The following TNIK variants were observed in gnomAD, a reference collection of about 807,000 sequenced individuals.
TNIK encodes the protein TRAF2 and NCK-interacting protein kinase.
TNIK carries 49 observed loss-of-function variants against 191.3 expected under a neutral mutation model. The observed-to-expected ratio is 0.26, with a 90% CI of 0.20 to 0.32. The LOEUF is 0.32. Ranked by LOEUF, TNIK falls within the 10% of genes least tolerant of loss-of-function variation. TNIK has a pLI of 1.00. For synonymous variants in TNIK, 594 were observed against 600.9 expected (o/e 0.99, Z 0.17); for missense variants, 1,155 against 1,702.3 (o/e 0.68, Z 5.66).
chr3:171,252,574 T>G (rs925505613), intron 2 of TNIK, among the ~76,000 whole-genome samples: 17 of 152,306 alleles, frequency 1.1e-4, no homozygotes, highest in Non-Finnish European at 2.4e-4. Flanking sequence ...CTCTGCATTG[T>G]TCTCCCAGCT....
chr3:171,320,940 C>A (rs183881346), intron 2 of TNIK, among the ~76,000 whole-genome samples: 2 of 152,280 alleles, frequency 1.3e-5, no homozygotes, highest in Non-Finnish European at 2.9e-5. Flanking sequence ...AACAATGTTA[C>A]CCTGCCAATC....
Position 171,059,429 on chromosome 3 carries a change from C to T in TNIK, c.*4452G>A, listed in dbSNP as rs997463068. Among the ~76,000 whole-genome samples, 1 of 152,124 alleles carries T rather than the reference C, an allele frequency of 6.6e-6. No individual in the cohort carries two copies. Among genetic ancestry groups the T allele is most frequent in the African/African-American group, 2.4e-5 (1 of 41,422 alleles). ...CAAAGCACAGGGTTATGATCTCACA[C>T]TGTTTAATGCTAAGCAAACTGTTGA... On this transcript the variant is annotated 3_prime_UTR_variant, in exon 33 of 33. Transcript: ENST00000436636.
intron 1 of TNIK, among the ~76,000 whole-genome samples, chr3:171,426,818 A>G (rs1474983209): frequency 6.6e-6 from 1 of 152,134 alleles, no homozygotes; most frequent in African/African-American, 2.4e-5. Flanking sequence ...TGACAGAGGA[A>G]AGGAGAGGTT....
At chr3:171,147,855 C>T (rs1400103214) in intron 12 of TNIK, among the ~76,000 whole-genome samples, 1 of 152,116 alleles carries the variant, frequency 6.6e-6, no homozygotes, top group Admixed American at 6.5e-5. Flanking sequence ...CTGACTCTTG[C>T]CATGCTGCCT....
chr3:171,129,734 T>C (rs1334254017), intron 15 of TNIK, among the ~76,000 whole-genome samples: 1 of 152,204 alleles, frequency 6.6e-6, no homozygotes. Context: ...TCACGGGAAA[T>C]GCTGAGCCAG....
intron 2 of TNIK, among the ~76,000 whole-genome samples, chr3:171,344,680 C>G (rs900403501): frequency 6.6e-6 from 1 of 152,174 alleles, no homozygotes; most frequent in South Asian, 2.1e-4. Context: ...GTTTAACCCA[C>G]TAAGTGTACT....
intron 1 of TNIK, among the ~76,000 whole-genome samples, chr3:171,392,987 G>C (rs1719765127): frequency 6.6e-6 from 1 of 151,764 alleles, no homozygotes; most frequent in African/African-American, 2.4e-5. Context: ...AAAAAAAAAT[G>C]AGCCTTCTCC....
At chr3:171,090,553 C>T (rs1721935215) in intron 23 of TNIK, among the ~76,000 whole-genome samples, 1 of 151,630 alleles carries the variant, frequency 6.6e-6, no homozygotes, top group African/African-American at 2.4e-5. Context: ...TGAAAAGATA[C>T]CAGGAAGGTG....
intron 2 of TNIK, among the ~76,000 whole-genome samples, chr3:171,326,276 T>A (rs1039569597): frequency 6.6e-6 from 1 of 152,202 alleles, no homozygotes; most frequent in Admixed American, 6.5e-5. Context: ...CTTTATTATG[T>A]AGTATATACA....
intron 12 of TNIK, among the ~76,000 whole-genome samples, chr3:171,146,115 A>G (rs1327094998): frequency 6.6e-6 from 1 of 152,068 alleles, no homozygotes; most frequent in Non-Finnish European, 1.5e-5. Flanking sequence ...CTCTTTTCTC[A>G]TGTGTCAGGC....
At chr3:171,081,111 G>T (rs1260039271) in intron 27 of TNIK, among the ~76,000 whole-genome samples, 3 of 152,124 alleles carry the variant, frequency 2.0e-5, no homozygotes, top group Non-Finnish European at 4.4e-5. Flanking sequence ...TTTTCATTTT[G>T]ATTTGGTAGT....
In TNIK at chr3:171,219,591, A is replaced by T. The variant is rs1477279942; in HGVS notation, c.181-8350T>A. On this transcript the variant is annotated intron_variant, in intron 3 of 32. Coordinates refer to ENST00000436636, the MANE Select transcript of TNIK (RefSeq NM_015028.4). The stretch of plus-strand genomic sequence containing the variant: ...ATAAAAGTGGGTGAAGGATATGAAC[A>T]GACACTTCTCAAAAGAAGACATTTA... 2.0e-5 allele frequency among the ~76,000 whole-genome samples: 3 copies of T among 152,126 alleles called. No individual in the cohort carries two copies. In the East Asian group the frequency reaches 5.8e-4, roughly 29 times the overall value.
At chr3:171,293,123 C>T (rs1751874296) in intron 2 of TNIK, among the ~76,000 whole-genome samples, 1 of 152,158 alleles carries the variant, frequency 6.6e-6, no homozygotes, top group South Asian at 2.1e-4. Context: ...TTATTGTTAT[C>T]TGTGGAAAGG....
chr3:171,159,190 C>T lies in TNIK; in HGVS notation c.1017-1526G>A, dbSNP rs750293987. On this transcript the variant is annotated intron_variant, in intron 11 of 32. Coordinates refer to ENST00000436636, the MANE Select transcript of TNIK (RefSeq NM_015028.4). The surrounding 1 kb of genome is among the most constrained non-coding windows in gnomAD (Gnocchi z 4.1). ...TCTGGGGTGGGGACACCACCCAGGG[C>T]GAGAGCAGAGCGGGTGGAGGAGGGA... 1.3e-4 allele frequency among the ~76,000 whole-genome samples: 20 copies of T among 151,792 alleles called. No homozygotes were observed. The highest frequency in any genetic ancestry group is 2.2e-4 in the Non-Finnish European group (15 of 67,978).
chr3:171,101,776 C>T, intron 21 of TNIK, 143 bp from the exon 22 acceptor site: 1 of 749,010 alleles, frequency 1.3e-6, no homozygotes. Flanking sequence ...CTGCATGGAA[C>T]TAAGAAAATG....
intron 1 of TNIK, among the ~76,000 whole-genome samples, chr3:171,412,852 T>A (rs1722579638): frequency 6.6e-6 from 1 of 152,206 alleles, no homozygotes; most frequent in African/African-American, 2.4e-5. Context: ...GAATGTAGGT[T>A]TTCAATCAAT....
At chr3:171,423,388 G>C (rs552256232) in intron 1 of TNIK, among the ~76,000 whole-genome samples, 1 of 152,072 alleles carries the variant, frequency 6.6e-6, no homozygotes, top group Non-Finnish European at 1.5e-5. Flanking sequence ...AATCAATATC[G>C]TGAAAATGGC....
intron 2 of TNIK, among the ~76,000 whole-genome samples, chr3:171,229,892 G>T (rs187825598): frequency 6.6e-6 from 1 of 152,180 alleles, no homozygotes; most frequent in Admixed American, 6.5e-5. Flanking sequence ...AGAGGATGGC[G>T]TGTTACCTTG....
At chr3:171,230,254 G>A (rs1218462026) in intron 2 of TNIK, among the ~76,000 whole-genome samples, 3 of 152,264 alleles carry the variant, frequency 2.0e-5, no homozygotes, top group East Asian at 1.9e-4. Flanking sequence ...CTGTGATGCC[G>A]TAATGATGAC....
Sources: allele counts gnomAD v4.1 joint callset (sites outside exome capture counted in the v4.1 genomes callset), GRCh38; gene constraint gnomAD v4.1.1; non-coding constraint Gnocchi (gnomAD v3.1); transcripts MANE v1.5; gene names NCBI Gene and HGNC (gene_info 2026-07-23, HGNC 2026-07-21).